PREP: variants seen among roughly 807,000 people sequenced by gnomAD.
The protein encoded by PREP is dJ355L5.1 (prolyl endopeptidase).
In PREP, 29 loss-of-function variants were observed where a neutral mutation model predicts 87.6. That is an observed-to-expected ratio of 0.33 (90% CI 0.25 to 0.45). The LOEUF (loss-of-function observed/expected upper bound fraction) is 0.45, where lower values mean the gene tolerates loss of function less well. Ranked by LOEUF, PREP falls within the 20% of genes least tolerant of loss-of-function variation. PREP has a pLI of 1.00. For synonymous variants in PREP, 337 were observed against 328.6 expected, an observed-to-expected ratio of 1.03 and a Z score of -0.28; for missense variants, 695 against 886.5, an observed-to-expected ratio of 0.78 and a Z score of 2.74.
At chr6:105,326,214 C>A (rs781106388) in intron 9 of PREP, among the ~76,000 whole-genome samples, 1 of 152,152 alleles carries the variant, frequency 6.6e-6, no homozygotes, top group Admixed American at 6.5e-5. Context: ...CCCCTGACTC[C>A]CAGAGCCATG....
intron 10 of PREP, among the ~76,000 whole-genome samples, chr6:105,290,322 A>C (rs934891876): frequency 6.6e-6 from 1 of 152,184 alleles, no homozygotes. Context: ...CCTTCAACTC[A>C]AGAGTTAGAA....
At chr6:105,300,540 A>G (rs1412963654) in intron 10 of PREP, among the ~76,000 whole-genome samples, 1 of 152,188 alleles carries the variant, frequency 6.6e-6, no homozygotes, top group Non-Finnish European at 1.5e-5. Context: ...GCAGCTTCTG[A>G]TTTTGCACAT....
intron 2 of PREP, among the ~76,000 whole-genome samples, chr6:105,382,270 AACACACACACACACACACACAC>A (rs146759488): frequency 4.2e-5 from 6 of 143,016 alleles, no homozygotes; most frequent in East Asian, 2.1e-4. Context: ...AAGCGTTCTC[AACACACACACACACACACACAC>A]ACACACACAC....
chr6:105,383,222 G>A (rs987203312), intron 2 of PREP, among the ~76,000 whole-genome samples: 12 of 150,546 alleles, frequency 8.0e-5, no homozygotes, highest in African/African-American at 2.9e-4. Flanking sequence ...ACTTTCCAAG[G>A]CTAATATCTA....
chr6:105,288,810 C>A lies in PREP; in HGVS notation c.1402G>T (p.Ala468Ser), dbSNP rs1770241405. The A allele has an allele frequency of 6.2e-7, 1 of 1,614,122 alleles. No individual in the cohort carries two copies. Among genetic ancestry groups the A allele is most frequent in the African/African-American group, 1.3e-5 (1 of 75,026 alleles). The change falls in exon 11 of 15, where the codon GCT (alanine) becomes TCT (serine). Residue 468 changes from alanine (A) to serine (S), a missense_variant. Transcript: ENST00000652536. Reference protein sequence around the residue: ...KGIKLDGSHPAFLYGYGGFNI... With the variant: ...KGIKLDGSHPSFLYGYGGFNI... ...AAGCCGCCATAGCCATATAAGAAAG[C>A]TGGATGAGAGCCATCCAATTTTATG... is the stretch of plus-strand genomic sequence containing the variant.
intron 10 of PREP, among the ~76,000 whole-genome samples, chr6:105,317,744 T>C (rs1770913188): frequency 6.6e-6 from 1 of 152,146 alleles, no homozygotes; most frequent in Non-Finnish European, 1.5e-5. Context: ...ATCAAACACC[T>C]GGAGAGCCAT....
intron 7 of PREP, 84 bp downstream of exon 7, chr6:105,352,888 T>C: frequency 8.1e-7 from 1 of 1,238,240 alleles, no homozygotes; most frequent in Admixed American, 1.8e-5. Context: ...AAGAGGGTCT[T>C]GGGAAATCAA....
In PREP at chr6:105,278,095, AAAGCC is replaced by A; in HGVS notation, c.*44_*48del. ...AGTGGTTTCTTGGTGTCAACGTGGG[AAAGCC>A]CTTGAGGTTTTCTGTCGCTGTCAGG... is the stretch of plus-strand genomic sequence containing the variant. On this transcript the variant is annotated 3_prime_UTR_variant, in exon 15 of 15. Coordinates refer to ENST00000652536, the MANE Select transcript of PREP (RefSeq NM_002726.5). This position sits in a 1 kb window ranked among gnomAD's most constrained non-coding sequence, Gnocchi z 4.2. 1 of 1,565,402 alleles carries A rather than the reference AAAGCC, an allele frequency of 6.4e-7. No homozygotes were observed. Among genetic ancestry groups the A allele is most frequent in the Non-Finnish European group, 8.7e-7 (1 of 1,151,666 alleles).
intron 4 of PREP, among the ~76,000 whole-genome samples, 153 bp from the exon 5 acceptor site, chr6:105,373,731 A>T (rs1240953338): frequency 6.6e-6 from 1 of 152,244 alleles, no homozygotes; most frequent in Non-Finnish European, 1.5e-5. Context: ...CCGGGGGCTC[A>T]GCCCAAGTTT....
intron 2 of PREP, among the ~76,000 whole-genome samples, chr6:105,389,333 AG>A: frequency 6.6e-6 from 1 of 152,338 alleles, no homozygotes; most frequent in Middle Eastern, 3.4e-3. Context: ...CTACGGTCAT[AG>A]AACAAGAAAA....
chr6:105,295,199 C>T (rs998671112), intron 10 of PREP, among the ~76,000 whole-genome samples: 4 of 146,324 alleles, frequency 2.7e-5, no homozygotes, highest in African/African-American at 1.0e-4. Flanking sequence ...ATTTGCATCC[C>T]TCTCTGCCTC....
At chr6:105,344,381 A>T (rs915877700) in intron 7 of PREP, among the ~76,000 whole-genome samples, 1 of 151,834 alleles carries the variant, frequency 6.6e-6, no homozygotes, top group African/African-American at 2.4e-5. Context: ...AGTCCCAGCT[A>T]CTCAGGAGGC....
At chr6:105,290,072 T>C (rs1406085856) in intron 10 of PREP, among the ~76,000 whole-genome samples, 1 of 152,168 alleles carries the variant, frequency 6.6e-6, no homozygotes, top group East Asian at 1.9e-4. Context: ...TAAAAAGCAT[T>C]TGTTTCGGAC....
intron 9 of PREP, among the ~76,000 whole-genome samples, chr6:105,326,743 G>T (rs1286147186): frequency 6.6e-6 from 1 of 152,152 alleles, no homozygotes; most frequent in East Asian, 1.9e-4. Flanking sequence ...ATCTGAATCC[G>T]GAAGCCCCAT....
intron 7 of PREP, among the ~76,000 whole-genome samples, chr6:105,342,360 C>G (rs189312365): frequency 6.6e-6 from 1 of 152,166 alleles, no homozygotes; most frequent in Non-Finnish European, 1.5e-5. Flanking sequence ...GCTCAATAAA[C>G]TAGGTATTGA....
At chr6:105,288,514 C>A (rs1171595185) in intron 11 of PREP, among the ~76,000 whole-genome samples, 1 of 152,154 alleles carries the variant, frequency 6.6e-6, no homozygotes, top group Non-Finnish European at 1.5e-5. Flanking sequence ...CCACCACGTC[C>A]AGCTAATATT....
At chr6:105,292,417 G>A (rs1307668932) in intron 10 of PREP, among the ~76,000 whole-genome samples, 4 of 152,178 alleles carry the variant, frequency 2.6e-5, no homozygotes, top group Admixed American at 1.3e-4. Flanking sequence ...TAGATGTGCC[G>A]TCAATGAGCA....
At chr6:105,346,870 G>A (rs1213256336) in intron 7 of PREP, among the ~76,000 whole-genome samples, 1 of 152,210 alleles carries the variant, frequency 6.6e-6, no homozygotes, top group African/African-American at 2.4e-5. Context: ...GGAAGCTGAG[G>A]CAGACGGATC....
chr6:105,382,592 C>T (rs1772874342), intron 2 of PREP, among the ~76,000 whole-genome samples: 1 of 152,008 alleles, frequency 6.6e-6, no homozygotes, highest in Admixed American at 6.5e-5. Context: ...CCTAGAATTA[C>T]TCATTAAATA....
Sources: gnomAD v4.1 joint callset for allele counts (sites outside exome capture counted in the v4.1 genomes callset) on GRCh38, gnomAD v4.1.1 for gene constraint, Gnocchi (gnomAD v3.1) non-coding constraint, MANE v1.5 for transcripts, NCBI Gene and HGNC (gene_info 2026-07-23, HGNC 2026-07-21) for gene names.